Variants in C12orf42 observed in about 807,000 individuals in gnomAD.
C12orf42 encodes the protein chromosome 12 open reading frame 42, also known as uncharacterized protein C12orf42.
In C12orf42, 25 loss-of-function variants were observed where a neutral mutation model predicts 21.6. The ratio of observed to expected loss-of-function variants is 1.16; its 90% CI spans 0.84 to 1.62. C12orf42 has a LOEUF of 1.62. C12orf42 is among the 40% of genes most tolerant of loss of function. The pLI, the probability that C12orf42 is intolerant of heterozygous loss-of-function variation, is 0.00. For synonymous variants in C12orf42, 174 were observed against 175.0 expected (o/e 0.99, Z 0.05); for missense variants, 483 against 459.3 (o/e 1.05, Z -0.47).
At chr12:103,495,087 C>A (rs1675593808) in intron 1 of C12orf42, among the ~76,000 whole-genome samples, 1 of 151,848 alleles carries the variant, frequency 6.6e-6, no homozygotes, top group Non-Finnish European at 1.5e-5. Context: ...TAAATCCATT[C>A]CTCTGGTCTT....
intron 2 of C12orf42, among the ~76,000 whole-genome samples, chr12:103,468,438 T>G (rs1042745553): frequency 2.6e-5 from 4 of 152,222 alleles, no homozygotes; most frequent in Non-Finnish European, 5.9e-5. Context: ...ATAGGATGGC[T>G]ATGTAATTTT....
At chr12:103,229,237 T>C in the C12orf42 span, among the ~76,000 whole-genome samples, 2 of 152,216 alleles carry the variant, frequency 1.3e-5, no homozygotes, top group Non-Finnish European at 2.9e-5. Context: ...TAAAGGAGGA[T>C]ATTTCCGGTC....
intron 10 of C12orf42, among the ~76,000 whole-genome samples, chr12:103,250,263 C>T (rs536986736): frequency 1.3e-5 from 2 of 152,110 alleles, no homozygotes; most frequent in Admixed American, 6.6e-5. Flanking sequence ...AATTATATCA[C>T]GAGACCCTGG....
At chr12:103,115,566 A>G in the C12orf42 span, among the ~76,000 whole-genome samples, 1 of 152,240 alleles carries the variant, frequency 6.6e-6, no homozygotes, top group Non-Finnish European at 1.5e-5. Flanking sequence ...TCATCCATAA[A>G]AGCAGAATCT....
chr12:103,466,733 T>C (rs1953167132), intron 2 of C12orf42, among the ~76,000 whole-genome samples: 1 of 152,216 alleles, frequency 6.6e-6, no homozygotes, highest in Non-Finnish European at 1.5e-5. Context: ...TATAACGTTG[T>C]GGCAACTCCC....
At chr12:103,548,254 A>G in the C12orf42 span, among the ~76,000 whole-genome samples, 1 of 152,236 alleles carries the variant, frequency 6.6e-6, no homozygotes, top group Non-Finnish European at 1.5e-5. Flanking sequence ...TCCAAAATGG[A>G]CAAGTGTTTA....
At chr12:103,288,582 T>G (rs544908246) in intron 4 of C12orf42, among the ~76,000 whole-genome samples, 2 of 152,232 alleles carry the variant, frequency 1.3e-5, no homozygotes, top group African/African-American at 4.8e-5. Context: ...AAAACACAGA[T>G]GTTATATTCC....
chr12:103,292,092 A>C (rs1320077422), intron 4 of C12orf42, among the ~76,000 whole-genome samples: 1 of 152,180 alleles, frequency 6.6e-6, no homozygotes, highest in Non-Finnish European at 1.5e-5. Context: ...GGCCATTAAA[A>C]AGAAGGAAGC....
chr12:103,194,461 A>G, the C12orf42 span, among the ~76,000 whole-genome samples: 1 of 152,204 alleles, frequency 6.6e-6, no homozygotes, highest in Non-Finnish European at 1.5e-5. Context: ...GTAAATAAAT[A>G]CAGCATATTT....
At chr12:103,241,453 A>AATT (rs1174941226) in intron 10 of C12orf42, among the ~76,000 whole-genome samples, 3 of 152,296 alleles carry the variant, frequency 2.0e-5, no homozygotes, top group African/African-American at 7.2e-5. Context: ...CTCCATGGGC[A>AATT]ATTTGAAAAA....
rs1249081638 is a variant in C12orf42 at position 103,302,296 on chromosome 12, C to A, written c.895G>T (p.Ala299Ser). ...PHTPRDRRPQ[A>S]DTSLHGNLAG... ...AGATTGCCATGGAGGGAGGTGTCCG[C>A]CTGAGGCCTCCTGTCCCGCGGGGTA... The change falls in exon 6 of 6, where the codon GCG becomes TCG. Residue 299 changes from alanine (A) to serine (S), a missense_variant. Coordinates refer to ENST00000548883, the MANE Select transcript of C12orf42 (RefSeq NM_198521.5). 1 of 1,613,478 alleles carries A rather than the reference C, an allele frequency of 6.2e-7. No individual in the cohort carries two copies. Among genetic ancestry groups the A allele is most frequent in the Non-Finnish European group, 8.5e-7 (1 of 1,179,694 alleles).
chr12:103,091,758 A>G, the C12orf42 span, among the ~76,000 whole-genome samples: 1 of 152,216 alleles, frequency 6.6e-6, no homozygotes. Flanking sequence ...TTAGAAACGC[A>G]TTAAACAATA....
chr12:103,115,153 T>A, the C12orf42 span, among the ~76,000 whole-genome samples: 1 of 152,212 alleles, frequency 6.6e-6, no homozygotes, highest in Admixed American at 6.5e-5. Context: ...TTTTCAAAAT[T>A]AATCTCTCAT....
the C12orf42 span, among the ~76,000 whole-genome samples, chr12:103,070,509 TACAC>T: frequency 1.8e-5 from 2 of 108,166 alleles, no homozygotes; most frequent in Non-Finnish European, 3.6e-5. Flanking sequence ...CACACCTACA[TACAC>T]ATACACACAC....
downstream of C12orf42, among the ~76,000 whole-genome samples, chr12:103,264,723 T>C (rs575462771): frequency 1.3e-5 from 2 of 152,206 alleles, no homozygotes; most frequent in South Asian, 2.1e-4. Context: ...ACAAAACAGG[T>C]GTAACAAGTG....
the C12orf42 span, among the ~76,000 whole-genome samples, chr12:103,165,568 T>C: frequency 6.6e-6 from 1 of 152,292 alleles, no homozygotes; most frequent in African/African-American, 2.4e-5. Flanking sequence ...AGCCAACTAA[T>C]GGACTATCTC....
chr12:103,530,651 G>A, the C12orf42 span, among the ~76,000 whole-genome samples: 1 of 152,148 alleles, frequency 6.6e-6, no homozygotes, highest in Non-Finnish European at 1.5e-5. Flanking sequence ...CACACCATCG[G>A]AAACCCTCCT....
chr12:103,435,311 C>G (rs1342278263), intron 2 of C12orf42, among the ~76,000 whole-genome samples: 1 of 152,184 alleles, frequency 6.6e-6, no homozygotes, highest in African/African-American at 2.4e-5. Context: ...AAAAACAGAA[C>G]AGAAAAACCG....
the C12orf42 span, among the ~76,000 whole-genome samples, chr12:103,106,285 C>T: frequency 1.3e-5 from 2 of 151,630 alleles, no homozygotes; most frequent in Non-Finnish European, 1.5e-5. Flanking sequence ...CACTCACAGA[C>T]CCTCATTGAA....
Sources: gnomAD v4.1 joint callset for allele counts (sites outside exome capture counted in the v4.1 genomes callset) on GRCh38, gnomAD v4.1.1 for gene constraint, MANE v1.5 for transcripts, NCBI Gene and HGNC (gene_info 2026-07-23, HGNC 2026-07-21) for gene names.